The following PARL variants were observed in gnomAD, a reference collection of about 807,000 sequenced individuals.
PARL encodes presenilin associated rhomboid like, also known as presenilin-associated rhomboid-like protein, mitochondrial.
PARL carries 44 observed loss-of-function variants against 51.6 expected under a neutral mutation model. The ratio of observed to expected loss-of-function variants is 0.85; its 90% confidence interval spans 0.67 to 1.10. PARL has a LOEUF of 1.10. Among genes scored for constraint, PARL ranks in the 50% least tolerant of loss-of-function variants. The pLI, the probability that PARL is intolerant of heterozygous loss-of-function variation, is 0.00. For missense variants in PARL, 441 were observed against 469.5 expected, an observed-to-expected ratio of 0.94 and a Z score of 0.56; for synonymous variants, 172 against 164.0, an observed-to-expected ratio of 1.05 and a Z score of -0.37.
At chr3:183,854,342 A>G (rs1730891602) in intron 4 of PARL, among the ~76,000 whole-genome samples, 1 of 152,244 alleles carries the variant, frequency 6.6e-6, no homozygotes, top group Admixed American at 6.5e-5. Context: ...AATAACTCAA[A>G]TGTCCATCAA....
chr3:183,841,097 C>T (rs931796885), intron 6 of PARL, among the ~76,000 whole-genome samples: 2 of 152,132 alleles, frequency 1.3e-5, no homozygotes, highest in Non-Finnish European at 2.9e-5. Context: ...GACTCATTCC[C>T]AAGAGTATAT....
chr3:183,882,222 A>AATATATATATATATATATATATTTAT (rs1331476537), intron 1 of PARL, among the ~76,000 whole-genome samples: 2 of 46,102 alleles, frequency 4.3e-5, no homozygotes, highest in Non-Finnish European at 8.0e-5. Context: ...AAAAAAAAAA[A>AATATATATATATATATATATATTTAT]ATATATATAT....
intron 1 of PARL, among the ~76,000 whole-genome samples, chr3:183,875,201 G>A (rs909528625): frequency 1.3e-5 from 2 of 152,054 alleles, no homozygotes; most frequent in African/African-American, 2.4e-5. Flanking sequence ...GATCAACTGA[G>A]GTCAGGAGTT....
chr3:183,875,811 T>C (rs1303879672), intron 1 of PARL, among the ~76,000 whole-genome samples: 41 of 152,166 alleles, frequency 2.7e-4, no homozygotes, highest in African/African-American at 2.4e-5. Flanking sequence ...AAGACTTTCA[T>C]AGCTACAGGT....
chr3:183,832,896 G>A (rs1728120511), intron 9 of PARL, among the ~76,000 whole-genome samples: 1 of 152,220 alleles, frequency 6.6e-6, no homozygotes, highest in African/African-American at 2.4e-5. Flanking sequence ...TTGAAGAGCT[G>A]TTTGGCCTGG....
At chr3:183,859,193 C>G (rs1213715106) in intron 4 of PARL, among the ~76,000 whole-genome samples, 1 of 151,890 alleles carries the variant, frequency 6.6e-6, no homozygotes, top group African/African-American at 2.4e-5. Context: ...AGGAGAATGG[C>G]GTGAACCCAG....
rs199686416 is a variant in PARL at position 183,855,967 on chromosome 3, C to CAA, written c.511+6784_511+6785dup. ...CAAGACTCTGTCTCAAAAAAATAAA[C>CAA]AAACAAAAAAAAAAACAAAAAAAAC... is the stretch of plus-strand genomic sequence containing the variant. On this transcript the variant is annotated intron_variant, in intron 4 of 9. Coordinates refer to ENST00000317096, the MANE Select transcript of PARL (RefSeq NM_018622.7). Among the ~76,000 whole-genome samples, 92 of 124,252 alleles carry CAA rather than the reference C, an allele frequency of 7.4e-4. 1 individual carries two copies. Among genetic ancestry groups the CAA allele is most frequent in the African/African-American group, 1.7e-3 (55 of 32,402 alleles). 81.5% of individuals were successfully genotyped at this position (124,252 alleles called of 152,430 possible). A position where few individuals can be genotyped will look rare whatever the true frequency, so the allele number is the denominator to read the frequency against.
intron 9 of PARL, among the ~76,000 whole-genome samples, chr3:183,832,489 G>A (rs915256225): frequency 6.6e-6 from 1 of 152,018 alleles, no homozygotes; most frequent in Admixed American, 6.6e-5. Flanking sequence ...AAAGTGCTGG[G>A]ATTACAGGCG....
At chr3:183,882,222 A>AAAAAAAAAAT (rs1401913573) in intron 1 of PARL, among the ~76,000 whole-genome samples, 1 of 46,104 alleles carries the variant, frequency 2.2e-5, no homozygotes, top group Non-Finnish European at 4.0e-5. Context: ...AAAAAAAAAA[A>AAAAAAAAAAT]ATATATATAT....
At chr3:183,884,651 C>T in intron 1 of PARL, 71 bp downstream of exon 1, 1 of 1,501,216 alleles carries the variant, frequency 6.7e-7, no homozygotes, top group Non-Finnish European at 9.0e-7. Context: ...CAGACGGCCT[C>T]CGCCCCCGAG....
At chr3:183,865,906 T>G (rs1184941819) in intron 3 of PARL, among the ~76,000 whole-genome samples, 1 of 151,080 alleles carries the variant, frequency 6.6e-6, no homozygotes, top group Non-Finnish European at 1.5e-5. Flanking sequence ...TTGAGATGAG[T>G]TCTCGCTCTG....
At chr3:183,835,537 G>A (rs1728473363) in intron 7 of PARL, among the ~76,000 whole-genome samples, 1 of 152,162 alleles carries the variant, frequency 6.6e-6, no homozygotes, top group Non-Finnish European at 1.5e-5. Context: ...GACCCAAGAA[G>A]ACCTGAATTT....
At chr3:183,876,799 G>C (rs984890722) in intron 1 of PARL, among the ~76,000 whole-genome samples, 2 of 152,162 alleles carry the variant, frequency 1.3e-5, no homozygotes, top group East Asian at 3.9e-4. Flanking sequence ...TGATTCATGA[G>C]AGGAGGTCAA....
intron 1 of PARL, 131 bp downstream of exon 1, chr3:183,884,591 G>C: frequency 1.2e-6 from 1 of 862,612 alleles, no homozygotes; most frequent in South Asian, 1.6e-5. Flanking sequence ...AGAGGAGAGA[G>C]AAGGGGCAGG....
chr3:183,874,037 C>CTA lies in PARL; in HGVS notation c.126-5979_126-5978dup, dbSNP rs1168628325. Reference sequence around the variant, plus strand: ...TTGAAGGTTTGTGGCAACCATACATCTAGCATGTCTTTTGGCACCATTTTT... The same window carrying CTA: ...TTGAAGGTTTGTGGCAACCATACATCTATAGCATGTCTTTTGGCACCATTTTT... On this transcript the variant is annotated intron_variant, in intron 1 of 9. Coordinates refer to ENST00000317096, the MANE Select transcript of PARL (RefSeq NM_018622.7). Among the ~76,000 whole-genome samples the CTA allele has an allele frequency of 3.3e-5, 5 of 152,226 alleles. No individual in the cohort carries two copies. In the East Asian group the frequency reaches 9.6e-4, roughly 29 times the overall value.
intron 4 of PARL, among the ~76,000 whole-genome samples, chr3:183,852,097 T>C (rs149455925): frequency 6.6e-6 from 1 of 152,200 alleles, no homozygotes; most frequent in African/African-American, 2.4e-5. Context: ...GTTGAGGTTG[T>C]AGTGAGCCAT....
At chr3:183,882,253 A>ATATATATATATT (rs1200092164) in intron 1 of PARL, among the ~76,000 whole-genome samples, 33 of 53,386 alleles carry the variant, frequency 6.2e-4, no homozygotes, top group African/African-American at 1.7e-3. Flanking sequence ...ATTTATATAT[A>ATATATATATATT]TATATATATA....
intron 7 of PARL, among the ~76,000 whole-genome samples, chr3:183,838,719 C>A (rs1728947398): frequency 1.3e-5 from 2 of 152,278 alleles, no homozygotes; most frequent in South Asian, 4.1e-4. Context: ...GTAGCAGAAC[C>A]AGGATTCACC....
At position 183,844,287 on chromosome 3, in the gene PARL, C is replaced by A. The variant is rs1254771692; in HGVS notation, c.551G>T (p.Arg184Ile). 2.5e-6 allele frequency: 4 copies of A among 1,608,666 alleles called. No homozygotes were observed. Among genetic ancestry groups the A allele is most frequent in the Non-Finnish European group, 3.4e-6 (4 of 1,175,404 alleles). The change falls in exon 5 of 10, where the codon AGA (arginine) becomes ATA (isoleucine). Residue 184 changes from arginine (R) to isoleucine (I), a missense_variant. Arg to Ile is a moderately conservative substitution (Grantham distance 97). Coordinates refer to ENST00000317096, the MANE Select transcript of PARL (RefSeq NM_018622.7). ...CATTGTCCGCTGCAGAGAAGGTACTCTCCATAAACAGAATACAAGGACATT... is the reference window on the plus strand; with the variant it reads ...CATTGTCCGCTGCAGAGAAGGTACTATCCATAAACAGAATACAAGGACATT... ...AANVLVFCLW[R>I]VPSLQRTMIR...
Sources: gnomAD v4.1 joint callset for allele counts (sites outside exome capture counted in the v4.1 genomes callset) on GRCh38, gnomAD v4.1.1 for gene constraint, MANE v1.5 for transcripts, NCBI Gene and HGNC (gene_info 2026-07-23, HGNC 2026-07-21) for gene names.